The following LMNTD1 variants were observed in gnomAD, a reference collection of about 807,000 sequenced individuals.
The protein encoded by LMNTD1 is lamin tail domain-containing protein 1.
Under a neutral mutation model 50.9 loss-of-function variants are expected in LMNTD1, and 35 were observed. The observed-to-expected ratio is 0.69, with a 90% CI of 0.53 to 0.91. The LOEUF is 0.91. LMNTD1 is among the 40% of genes least tolerant of loss of function. The pLI is 0.00. For synonymous variants in LMNTD1, 153 were observed against 161.9 expected, an observed-to-expected ratio of 0.94 and a Z score of 0.42; for missense variants, 470 against 475.5, an observed-to-expected ratio of 0.99 and a Z score of 0.11.
chr12:25,533,743 A>G (rs185073247), intron 4 of LMNTD1, among the ~76,000 whole-genome samples: 1 of 152,188 alleles, frequency 6.6e-6, no homozygotes, highest in Non-Finnish European at 1.5e-5. Context: ...GTAGATCCTT[A>G]ATGTAATGGA....
At chr12:25,560,240 C>T (rs1944242304) in intron 1 of LMNTD1, among the ~76,000 whole-genome samples, 1 of 152,192 alleles carries the variant, frequency 6.6e-6, no homozygotes, top group Admixed American at 6.5e-5. Flanking sequence ...GGAAGGGATC[C>T]AGTTTCAGCT....
Position 25,549,547 on chromosome 12 carries a change from C to T in LMNTD1, c.90-1G>A. 6.5e-7 allele frequency: 1 copy of T among 1,543,650 alleles called. No individual in the cohort carries two copies. On this transcript the variant is annotated splice_acceptor_variant, in intron 2 of 9. Transcript: ENST00000458174. LOFTEE classifies it high-confidence loss of function. ...ATATACTCCAAGTTTGTCTTCTCTT[C>T]TGTGTACAAAAAATATAATATAAAT...
intron 1 of LMNTD1, among the ~76,000 whole-genome samples, chr12:25,636,834 G>T (rs1053343154): frequency 6.6e-6 from 1 of 152,156 alleles, no homozygotes; most frequent in Non-Finnish European, 1.5e-5. Context: ...AGCATTTGCA[G>T]CAATCTTCAC....
intron 1 of LMNTD1, among the ~76,000 whole-genome samples, chr12:25,569,919 T>G (rs1367531349): frequency 2.6e-5 from 4 of 152,214 alleles, no homozygotes; most frequent in African/African-American, 9.7e-5. Context: ...GTCTCTGATA[T>G]TTATTTATAG....
At chr12:25,568,329 T>C (rs1207415014) in intron 1 of LMNTD1, among the ~76,000 whole-genome samples, 1 of 152,200 alleles carries the variant, frequency 6.6e-6, no homozygotes, top group African/African-American at 2.4e-5. Context: ...TACTTTCAGA[T>C]GTGAAAGCAA....
At chr12:25,597,657 T>C (rs944882300) in intron 1 of LMNTD1, among the ~76,000 whole-genome samples, 2 of 152,140 alleles carry the variant, frequency 1.3e-5, no homozygotes, top group African/African-American at 4.8e-5. Context: ...ATCTAATAAA[T>C]ATTTACAGAA....
intron 4 of LMNTD1, among the ~76,000 whole-genome samples, chr12:25,543,988 C>T (rs1278621485): frequency 2.0e-5 from 3 of 151,822 alleles, no homozygotes; most frequent in Non-Finnish European, 4.4e-5. Flanking sequence ...TGTTTTGTGG[C>T]TTAAGAGAGA....
chr12:25,591,528 G>C (rs535520746), intron 1 of LMNTD1, among the ~76,000 whole-genome samples: 2 of 152,218 alleles, frequency 1.3e-5, no homozygotes, highest in East Asian at 3.9e-4. Flanking sequence ...TAAGATTTTT[G>C]ATTCTAGTCC....
At chr12:25,489,172 G>A (rs371239859) in intron 9 of LMNTD1, among the ~76,000 whole-genome samples, 13 of 152,062 alleles carry the variant, frequency 8.5e-5, no homozygotes, top group Non-Finnish European at 7.4e-5. Context: ...CGAGCTTCCC[G>A]GCTGCTTTGT....
chr12:25,519,502 G>A (rs1941095962), intron 7 of LMNTD1, among the ~76,000 whole-genome samples: 1 of 151,360 alleles, frequency 6.6e-6, no homozygotes, highest in Admixed American at 6.6e-5. Context: ...GCAGCAGAAT[G>A]GCGTGAACCG....
chr12:25,622,469 C>G (rs886727296), intron 1 of LMNTD1, among the ~76,000 whole-genome samples: 1 of 134,234 alleles, frequency 7.4e-6, no homozygotes, highest in Admixed American at 7.3e-5. Context: ...GTGAGCCCGC[C>G]CCCCCCCGCA....
At chr12:25,498,111 A>G (rs558605222) in intron 9 of LMNTD1, among the ~76,000 whole-genome samples, 34 of 152,284 alleles carry the variant, frequency 2.2e-4, no homozygotes, top group Non-Finnish European at 3.8e-4. Context: ...CAGAATCTGA[A>G]GCAATCATAC....
intron 4 of LMNTD1, among the ~76,000 whole-genome samples, chr12:25,539,479 G>C (rs1405914075): frequency 6.7e-6 from 1 of 150,088 alleles, no homozygotes; most frequent in African/African-American, 2.4e-5. Context: ...TGACTACTGG[G>C]TACATAACGA....
At position 25,640,307 on chromosome 12, in the gene LMNTD1, C is replaced by T. The variant is rs144619471; in HGVS notation, c.58+8187G>A. On this transcript the variant is annotated intron_variant, in intron 1 of 7. Transcript: ENST00000445693. ...GGCAGATTGCTTGAGTCCAGGAGTT[C>T]GAGACCAGCCTGGGCAATGTGGCAA... is the stretch of plus-strand genomic sequence containing the variant. Among the ~76,000 whole-genome samples the T allele has an allele frequency of 3.7e-3, 560 of 152,056 alleles. 5 individuals are homozygous for T. The East Asian group carries it at 0.041, about 11-fold the overall frequency.
intron 1 of LMNTD1, among the ~76,000 whole-genome samples, chr12:25,632,676 A>C (rs1946746102): frequency 6.6e-6 from 1 of 152,206 alleles, no homozygotes; most frequent in Non-Finnish European, 1.5e-5. Context: ...TCCTGGAAAC[A>C]CATCAAAACA....
intron 1 of LMNTD1, among the ~76,000 whole-genome samples, chr12:25,574,442 C>G (rs991465952): frequency 6.6e-6 from 1 of 152,116 alleles, no homozygotes; most frequent in African/African-American, 2.4e-5. Flanking sequence ...ATTCAGTTTT[C>G]AAAGCCAGTT....
At chr12:25,529,695 C>A (rs564815077) in intron 4 of LMNTD1, among the ~76,000 whole-genome samples, 2 of 152,100 alleles carry the variant, frequency 1.3e-5, no homozygotes, top group South Asian at 2.1e-4. Context: ...AGTCTTACCC[C>A]CTTCTAAACA....
At chr12:25,632,635 T>C (rs952682729) in intron 1 of LMNTD1, among the ~76,000 whole-genome samples, 2 of 152,324 alleles carry the variant, frequency 1.3e-5, no homozygotes, top group Non-Finnish European at 2.9e-5. Flanking sequence ...CTACAAGGAC[T>C]GCTAAAAGGA....
rs145652587 is a variant in LMNTD1, at chr12:25,629,691, C to T, written c.58+18803G>A. On this transcript the variant is annotated intron_variant, in intron 1 of 7. Coordinates refer to the LMNTD1 transcript ENST00000445693. ...GTGAGGAATTTCAAGCCTAAGTGCA[C>T]TATTGAAAATAATGGAAATTTTGAT... is the stretch of plus-strand genomic sequence containing the variant. Among the ~76,000 whole-genome samples the T allele has an allele frequency of 5.8e-3, 876 of 152,184 alleles. 12 individuals carry two copies. The highest frequency in any genetic ancestry group is 0.043 in the South Asian group (208 of 4,820).
Sources: allele counts gnomAD v4.1 joint callset (sites outside exome capture counted in the v4.1 genomes callset), GRCh38; gene constraint gnomAD v4.1.1; transcripts MANE v1.5; gene names NCBI Gene and HGNC (gene_info 2026-07-23, HGNC 2026-07-21).